Variants in ZBTB20 observed in about 807,000 individuals in gnomAD.
The protein encoded by ZBTB20 is zinc finger and BTB domain containing 20.
In ZBTB20, 9 loss-of-function variants were observed where a neutral mutation model predicts 56.9. That is an observed-to-expected ratio of 0.16 (90% confidence interval 0.10 to 0.28). The LOEUF is 0.28. Among genes scored for constraint, ZBTB20 ranks in the 10% least tolerant of loss-of-function variants. The probability of loss-of-function intolerance (pLI) is 1.00; values close to 1 mark genes in which losing one functional copy is unlikely to be tolerated. For synonymous variants in ZBTB20, 417 were observed against 420.7 expected (o/e 0.99, Z 0.11); for missense variants, 655 against 1,003.0 (o/e 0.65, Z 4.69).
rs34818480 is a variant in ZBTB20, at chr3:114,481,279, A to AAC, written c.-255+19072_-255+19073insGT. Among the ~76,000 whole-genome samples the AAC allele has an allele frequency of 2.0e-5, 3 of 149,940 alleles. No individual in the cohort carries two copies. In the South Asian group the frequency reaches 6.4e-4, roughly 32 times the overall value. The stretch of plus-strand genomic sequence containing the variant: ...AAAGGATACATTAAAAAAAAAAAAA[A>AAC]CCTCATTTCCTGTAAGCTGCTGATG... On this transcript the variant is annotated intron_variant, in intron 7 of 11. Transcript: ENST00000675478.
intron 6 of ZBTB20, among the ~76,000 whole-genome samples, chr3:114,607,097 CAAATAAAT>C (rs1189196980): frequency 3.4e-5 from 5 of 145,868 alleles, no homozygotes; most frequent in Admixed American, 1.4e-4. Context: ...GACTCAATCT[CAAATAAAT>C]AAATAAATAA....
intron 3 of ZBTB20, among the ~76,000 whole-genome samples, chr3:114,938,540 G>T (rs893857165): frequency 6.8e-6 from 1 of 146,158 alleles, no homozygotes; most frequent in Non-Finnish European, 1.5e-5. Context: ...GATGAAGCTG[G>T]AAACCATCAT....
At chr3:114,353,838 A>G (rs1444266394) in intron 10 of ZBTB20, among the ~76,000 whole-genome samples, 1 of 152,238 alleles carries the variant, frequency 6.6e-6, no homozygotes, top group African/African-American at 2.4e-5. Context: ...CCCATTTTAC[A>G]GATGAGGAAA....
intron 5 of ZBTB20, among the ~76,000 whole-genome samples, chr3:114,740,938 T>C (rs1020975346): frequency 2.6e-5 from 4 of 152,320 alleles, no homozygotes; most frequent in South Asian, 2.1e-4. Flanking sequence ...AAGAAAACTA[T>C]AGAAATACGA....
In ZBTB20 at chr3:114,327,645, A is replaced by C. The variant is rs1414861676; in HGVS notation, c.*11360T>G. ...TCATTGTTCTCTATGGTGTGAGTTG[A>C]TGTTATAAACTGGTTTGATTAAGAT... On this transcript the variant is annotated 3_prime_UTR_variant, in exon 12 of 12. Coordinates refer to ENST00000675478, the MANE Select transcript of ZBTB20 (RefSeq NM_001348800.3). 6.6e-6 allele frequency: 1 copy of C among 152,182 alleles called. No homozygotes were observed. Among genetic ancestry groups the C allele is most frequent in the Non-Finnish European group, 1.5e-5 (1 of 68,022 alleles). 9.4% of individuals were successfully genotyped at this position (152,182 alleles called of 1,614,324 possible).
intron 2 of ZBTB20, among the ~76,000 whole-genome samples, chr3:114,998,463 C>G (rs1365348358): frequency 6.6e-6 from 1 of 151,646 alleles, no homozygotes; most frequent in Non-Finnish European, 1.5e-5. Flanking sequence ...GTGATAAAGT[C>G]ACATGGCAGA....
intron 1 of ZBTB20, among the ~76,000 whole-genome samples, chr3:115,109,950 C>T (rs958632426): frequency 3.9e-5 from 6 of 152,174 alleles, no homozygotes; most frequent in African/African-American, 1.4e-4. Context: ...TGGCTCACGC[C>T]TGTAATCCCA....
intron 7 of ZBTB20, among the ~76,000 whole-genome samples, chr3:114,457,721 G>T (rs1247656064): frequency 6.6e-6 from 1 of 152,060 alleles, no homozygotes; most frequent in Non-Finnish European, 1.5e-5. Context: ...TATGAATGAG[G>T]TACTACCAAT....
intron 2 of ZBTB20, among the ~76,000 whole-genome samples, chr3:115,044,624 G>A (rs2081271724): frequency 1.3e-5 from 2 of 152,154 alleles, no homozygotes; most frequent in Admixed American, 1.3e-4. Context: ...AGAATTGCTT[G>A]GGAACCTTTT....
intron 10 of ZBTB20, among the ~76,000 whole-genome samples, chr3:114,376,346 G>T (rs544012071): frequency 6.6e-6 from 1 of 152,222 alleles, no homozygotes; most frequent in Non-Finnish European, 1.5e-5. Context: ...CACTCAAGGG[G>T]ACAGTTTCTG....
chr3:114,864,714 T>C (rs1291431410), intron 4 of ZBTB20, among the ~76,000 whole-genome samples: 1 of 152,116 alleles, frequency 6.6e-6, no homozygotes, highest in Non-Finnish European at 1.5e-5. Flanking sequence ...AGGAAGTTGG[T>C]AAAGAAGACA....
chr3:114,766,903 G>T (rs1314440733), intron 5 of ZBTB20, among the ~76,000 whole-genome samples: 1 of 151,842 alleles, frequency 6.6e-6, no homozygotes, highest in Non-Finnish European at 1.5e-5. Context: ...TCTCTCTAAA[G>T]AAAATAAACA....
intron 6 of ZBTB20, among the ~76,000 whole-genome samples, chr3:114,679,950 C>A (rs2061871021): frequency 6.6e-6 from 1 of 152,144 alleles, no homozygotes; most frequent in Admixed American, 6.5e-5. Flanking sequence ...GAATACTATG[C>A]AGCCATAAAA....
At chr3:114,547,025 A>T (rs1218389129) in intron 6 of ZBTB20, among the ~76,000 whole-genome samples, 1 of 152,184 alleles carries the variant, frequency 6.6e-6, no homozygotes, top group East Asian at 1.9e-4. Flanking sequence ...GGGCATGGGG[A>T]TGCATGAGGA....
chr3:114,840,881 T>C (rs916605269), intron 4 of ZBTB20, among the ~76,000 whole-genome samples: 2 of 152,124 alleles, frequency 1.3e-5, no homozygotes, highest in Non-Finnish European at 2.9e-5. Flanking sequence ...TAAATGAAAG[T>C]AAAATAAATT....
chr3:114,668,422 A>G (rs945902590), intron 6 of ZBTB20, among the ~76,000 whole-genome samples: 1 of 152,034 alleles, frequency 6.6e-6, no homozygotes. Flanking sequence ...TCTTTGAAGT[A>G]CTTGAAATCA....
chr3:114,683,240 C>T (rs17619661), intron 6 of ZBTB20, among the ~76,000 whole-genome samples: 8,634 of 152,140 alleles, frequency 0.057, 333 homozygotes, highest in Middle Eastern at 0.14. Context: ...GGTCACCATA[C>T]CCCAGAAAAA....
intron 6 of ZBTB20, among the ~76,000 whole-genome samples, chr3:114,591,616 G>C (rs1056310434): frequency 2.0e-5 from 3 of 152,196 alleles, no homozygotes; most frequent in Non-Finnish European, 4.4e-5. Context: ...TAGTATAGGT[G>C]AACTAATACA....
At chr3:115,042,683 C>T (rs2108397175) in intron 2 of ZBTB20, among the ~76,000 whole-genome samples, 1 of 152,320 alleles carries the variant, frequency 6.6e-6, no homozygotes, top group South Asian at 2.1e-4. Context: ...TATACCCACA[C>T]TCATACAAAA....
Sources: allele counts gnomAD v4.1 joint callset (sites outside exome capture counted in the v4.1 genomes callset), GRCh38; gene constraint gnomAD v4.1.1; transcripts MANE v1.5; gene names NCBI Gene and HGNC (gene_info 2026-07-23, HGNC 2026-07-21).